Variants in ARNT2 observed in about 807,000 individuals in gnomAD.
The protein encoded by ARNT2 is ARNT protein 2.
ARNT2 carries 36 observed loss-of-function variants against 91.7 expected under a neutral mutation model. The ratio of observed to expected loss-of-function variants is 0.39; its 90% confidence interval spans 0.30 to 0.52. The LOEUF is 0.52. Among genes scored for constraint, ARNT2 ranks in the 20% least tolerant of loss-of-function variants. The pLI, the probability that ARNT2 is intolerant of heterozygous loss-of-function variation, is 0.72. For synonymous variants in ARNT2, 365 were observed against 347.1 expected, an observed-to-expected ratio of 1.05 and a Z score of -0.57; for missense variants, 775 against 939.3, an observed-to-expected ratio of 0.83 and a Z score of 2.29.
rs8025670 is a variant in ARNT2 at position 80,591,168 on chromosome 15, A to G, written c.1919-400A>G. On this transcript the variant is annotated intron_variant, in intron 17 of 18. Coordinates refer to ENST00000303329, the MANE Select transcript of ARNT2 (RefSeq NM_014862.4). This position sits in a 1 kb window ranked among gnomAD's most constrained non-coding sequence, Gnocchi z 5.1. ...GTGTCTTCCTCCTCATGCCAACACC[A>G]TACTGCTGAGGACAGACCCTCTCTC... is the stretch of plus-strand genomic sequence containing the variant. 0.15 allele frequency among the ~76,000 whole-genome samples: 22,989 copies of G among 152,180 alleles called. 1,888 individuals are homozygous for G. The highest frequency in any genetic ancestry group is 0.17 in the Non-Finnish European group (11,610 of 67,988).
intron 5 of ARNT2, among the ~76,000 whole-genome samples, chr15:80,498,685 G>A (rs1025191763): frequency 1.3e-5 from 2 of 151,932 alleles, no homozygotes; most frequent in Non-Finnish European, 2.9e-5. Context: ...TAAACCAAAA[G>A]GAAAAATTGA....
At chr15:80,571,346 G>A (rs1898580129) in intron 12 of ARNT2, among the ~76,000 whole-genome samples, 1 of 151,544 alleles carries the variant, frequency 6.6e-6, no homozygotes, top group South Asian at 2.1e-4. Flanking sequence ...TAGGAGCTGA[G>A]GAGAGTTGGT....
chr15:80,423,764 G>A (rs926012373), intron 1 of ARNT2, among the ~76,000 whole-genome samples: 3 of 126,930 alleles, frequency 2.4e-5, no homozygotes, highest in South Asian at 2.9e-4. Context: ...GTGAAAGAGA[G>A]GGAGAAAGAG....
intron 5 of ARNT2, among the ~76,000 whole-genome samples, chr15:80,485,755 C>T (rs1365985698): frequency 6.6e-6 from 1 of 152,070 alleles, no homozygotes; most frequent in African/African-American, 2.4e-5. Context: ...GGCCCATGAA[C>T]CATGTTAGAT....
At position 80,501,158 on chromosome 15, in the gene ARNT2, T is replaced by A. The variant is rs75556884; in HGVS notation, c.623-6998T>A. ...CCATATTTGGAAATCCATCCTAAGA[T>A]GGTTTGGATTTTTGTTTGTATGTAC... On this transcript the variant is annotated intron_variant, in intron 5 of 18. Transcript: ENST00000303329. Among the ~76,000 whole-genome samples the A allele has an allele frequency of 7.4e-3, 1,131 of 152,320 alleles. 12 individuals are homozygous for A. Among genetic ancestry groups the A allele is most frequent in the African/African-American group, 0.026 (1,083 of 41,568 alleles).
At chr15:80,535,110 A>G (rs1227299813) in intron 8 of ARNT2, among the ~76,000 whole-genome samples, 2 of 152,232 alleles carry the variant, frequency 1.3e-5, no homozygotes, top group African/African-American at 4.8e-5. Context: ...TCAAGAGATA[A>G]TGGACTACCG....
intron 8 of ARNT2, among the ~76,000 whole-genome samples, chr15:80,518,234 C>T (rs1281030493): frequency 6.6e-6 from 1 of 150,556 alleles, no homozygotes; most frequent in Non-Finnish European, 1.5e-5. Flanking sequence ...GTTTTTCTCT[C>T]CTACTACCTT....
At chr15:80,454,521 G>A (rs374016788) in intron 2 of ARNT2, among the ~76,000 whole-genome samples, 1 of 152,224 alleles carries the variant, frequency 6.6e-6, no homozygotes, top group Non-Finnish European at 1.5e-5. Flanking sequence ...CTGCTGGAAT[G>A]TGGTCAAATT....
Position 80,597,320 on chromosome 15 carries a change from G to T in ARNT2, c.*3622G>T. 1 of 518,612 alleles carries T rather than the reference G, an allele frequency of 1.9e-6. No individual in the cohort carries two copies. Among genetic ancestry groups the T allele is most frequent in the Non-Finnish European group, 3.8e-6 (1 of 259,832 alleles). 32.1% of individuals were successfully genotyped at this position (518,612 alleles called of 1,614,324 possible). A position where few individuals can be genotyped will look rare whatever the true frequency, so the allele number is the denominator to read the frequency against. On this transcript the variant is annotated 3_prime_UTR_variant, in exon 19 of 19. Coordinates refer to ENST00000303329, the MANE Select transcript of ARNT2 (RefSeq NM_014862.4). ...ACCACATAAACAGGAAGAAGCCAGT[G>T]ACCGGAACAGCTCTAGGAATAACAA...
At chr15:80,504,533 C>T (rs965505395) in intron 5 of ARNT2, among the ~76,000 whole-genome samples, 1 of 151,972 alleles carries the variant, frequency 6.6e-6, no homozygotes, top group Admixed American at 6.6e-5. Flanking sequence ...CTTTGGAGGC[C>T]GAGGCAAGAA....
At chr15:80,586,655 C>T (rs1893177574) in intron 17 of ARNT2, among the ~76,000 whole-genome samples, 1 of 151,920 alleles carries the variant, frequency 6.6e-6, no homozygotes, top group Admixed American at 6.6e-5. Flanking sequence ...CCCTTGAGGC[C>T]AGGAGTCCAA....
At chr15:80,499,107 A>G (rs1244798410) in intron 5 of ARNT2, among the ~76,000 whole-genome samples, 1 of 152,224 alleles carries the variant, frequency 6.6e-6, no homozygotes, top group Non-Finnish European at 1.5e-5. Context: ...AGGCAGTAGG[A>G]GCTGCATTGT....
At chr15:80,568,492 G>A (rs1290042352) in intron 12 of ARNT2, among the ~76,000 whole-genome samples, 3 of 152,190 alleles carry the variant, frequency 2.0e-5, no homozygotes, top group African/African-American at 4.8e-5. Flanking sequence ...GAATCATGAC[G>A]GAGTCTCTCT....
chr15:80,499,858 C>A (rs1404004076), intron 5 of ARNT2, among the ~76,000 whole-genome samples: 1 of 152,106 alleles, frequency 6.6e-6, no homozygotes, highest in Non-Finnish European at 1.5e-5. Context: ...AGTATGAGAG[C>A]TATTTCTCAA....
Position 80,424,446 on chromosome 15 carries a change from C to T in ARNT2, c.31+19900C>T, listed in dbSNP as rs114654516. Among the ~76,000 whole-genome samples, 557 of 152,278 alleles carry T rather than the reference C, an allele frequency of 3.7e-3. 6 individuals are homozygous for T. Among genetic ancestry groups the T allele is most frequent in the African/African-American group, 0.013 (529 of 41,538 alleles). On this transcript the variant is annotated intron_variant, in intron 1 of 18. Coordinates refer to ENST00000303329, the MANE Select transcript of ARNT2 (RefSeq NM_014862.4). ...GGAAGATGTCCTCATCCAAGATGTT[C>T]GGAGGCTGGCCCACTTTGGCAGGAT... is the stretch of plus-strand genomic sequence containing the variant.
intron 1 of ARNT2, among the ~76,000 whole-genome samples, chr15:80,431,592 G>A (rs72745700): frequency 0.021 from 3,272 of 152,256 alleles, 52 homozygotes; most frequent in Non-Finnish European, 0.036. Flanking sequence ...AGTCTGAAGC[G>A]GCTGGAATAG....
chr15:80,521,072 A>G (rs1164271263), intron 8 of ARNT2, among the ~76,000 whole-genome samples: 1 of 152,200 alleles, frequency 6.6e-6, no homozygotes, highest in Non-Finnish European at 1.5e-5. Context: ...ACACGATGTT[A>G]ACATTGTTCT....
chr15:80,404,653 C>G lies in ARNT2; in HGVS notation c.31+107C>G, dbSNP rs1895571133. 1 of 737,510 alleles carries G rather than the reference C, an allele frequency of 1.4e-6. No individual in the cohort carries two copies. The highest frequency in any genetic ancestry group is 1.7e-6 in the Non-Finnish European group (1 of 600,018). 45.7% of individuals were successfully genotyped at this position (737,510 alleles called of 1,614,324 possible). On this transcript the variant is annotated intron_variant, in intron 1 of 18. Transcript: ENST00000303329. This position sits in a 1 kb window ranked among gnomAD's most constrained non-coding sequence, Gnocchi z 5.5. Reference sequence around the variant, plus strand: ...CCCCCGGGGGCGCGGAGCCGCAGCTCGGCGCGGTGGGTGGTGGAGCGGCTG... The same window carrying G: ...CCCCCGGGGGCGCGGAGCCGCAGCTGGGCGCGGTGGGTGGTGGAGCGGCTG...
chr15:80,528,131 G>A (rs1422046156), intron 8 of ARNT2, among the ~76,000 whole-genome samples: 1 of 152,198 alleles, frequency 6.6e-6, no homozygotes, highest in Non-Finnish European at 1.5e-5. Context: ...GGGGAGGGGT[G>A]TGGAGAGTTT....
Sources: allele counts gnomAD v4.1 joint callset (sites outside exome capture counted in the v4.1 genomes callset), GRCh38; gene constraint gnomAD v4.1.1; non-coding constraint Gnocchi (gnomAD v3.1); transcripts MANE v1.5; gene names NCBI Gene and HGNC (gene_info 2026-07-23, HGNC 2026-07-21).